MRPS21: variants seen among roughly 807,000 people sequenced by gnomAD.
MRPS21 encodes the protein mitochondrial ribosomal protein S21, also known as small ribosomal subunit protein bS21m.
In MRPS21, 8 loss-of-function variants were observed where a neutral mutation model predicts 9.9. The observed-to-expected ratio is 0.81, with a 90% CI of 0.47 to 1.45. The LOEUF (loss-of-function observed/expected upper bound fraction) is 1.45, where lower values mean the gene tolerates loss of function less well. Among genes scored for constraint, MRPS21 ranks in the 40% most tolerant of loss-of-function variants. The probability of loss-of-function intolerance (pLI) is 0.00; values close to 1 mark genes in which losing one functional copy is unlikely to be tolerated. For synonymous variants in MRPS21, 40 were observed against 40.3 expected, an observed-to-expected ratio of 0.99 and a Z score of 0.03; for missense variants, 101 against 118.9, an observed-to-expected ratio of 0.85 and a Z score of 0.70.
chr1:150,297,514 A>G (rs1229009834), intron 2 of MRPS21, among the ~76,000 whole-genome samples: 1 of 152,068 alleles, frequency 6.6e-6, no homozygotes, highest in East Asian at 1.9e-4. Flanking sequence ...TCTACTAAAA[A>G]TACAAAATTA....
chr1:150,307,348 CTTTTTTT>C (rs1572154026), intron 2 of MRPS21, among the ~76,000 whole-genome samples: 11 of 87,518 alleles, frequency 1.3e-4, no homozygotes, highest in African/African-American at 1.8e-4. Flanking sequence ...GTGCCCAGTC[CTTTTTTT>C]TTTTTTTTTT....
intron 2 of MRPS21, among the ~76,000 whole-genome samples, chr1:150,300,504 G>A (rs1442204847): frequency 6.6e-6 from 1 of 152,020 alleles, no homozygotes; most frequent in Non-Finnish European, 1.5e-5. Context: ...CTTATTTAAT[G>A]TTTGTCAAAC....
At chr1:150,306,330 T>C (rs1053032927) in intron 2 of MRPS21, among the ~76,000 whole-genome samples, 26 of 152,092 alleles carry the variant, frequency 1.7e-4, no homozygotes, top group Non-Finnish European at 3.2e-4. Flanking sequence ...CAGGCTGGAG[T>C]GCAGTGGCAC....
In MRPS21 at chr1:150,308,153, C is replaced by A; in HGVS notation, c.189C>A (p.Ile63=). 2 of 1,609,928 alleles carry A rather than the reference C, an allele frequency of 1.2e-6. No individual in the cohort carries two copies. Among genetic ancestry groups the A allele is most frequent in the East Asian group, 4.5e-5 (2 of 44,706 alleles). ...AAAGCTATGAAAGGTGCCGGCGGAT[C>A]TACAACATGGAAATGGCTCGCAAGA... The part of the protein sequence containing the change: ...QRESYERCRR[I]YNMEMARKIN... The change falls in exon 3 of 3, where the codon ATC becomes ATA. Residue 63 remains isoleucine, a synonymous_variant. Transcript: ENST00000614145.
rs1220257338 is a variant in MRPS21 at position 150,301,346 on chromosome 1, A to AAAAT, written c.84-6700_84-6699insATAA. 33 of 308,064 alleles carry AAAAT rather than the reference A, an allele frequency of 1.1e-4. No homozygotes were observed. In the Admixed American group the frequency reaches 1.2e-3, roughly 11 times the overall value. The allele number at this position is 308,064 out of a possible 1,614,324, so 19.1% of individuals were successfully genotyped here. A position where few individuals can be genotyped will look rare whatever the true frequency, so the allele number is the denominator to read the frequency against. On this transcript the variant is annotated intron_variant, in intron 2 of 2. Transcript: ENST00000614145. ...GCGAGACTTCGTCTCAAAAGAAAAA[A>AAAAT]AATTAGCCGGACATGGTGGCAGGTG...
At chr1:150,296,037 C>T (rs909953448) in intron 2 of MRPS21, among the ~76,000 whole-genome samples, 4 of 151,402 alleles carry the variant, frequency 2.6e-5, no homozygotes, top group African/African-American at 4.9e-5. Flanking sequence ...CTGCAGCCTC[C>T]GCCTCCTGGG....
chr1:150,308,307 C>T lies in MRPS21; in HGVS notation c.*79C>T. 1 of 1,407,408 alleles carries T rather than the reference C, an allele frequency of 7.1e-7. No individual in the cohort carries two copies. Among genetic ancestry groups the T allele is most frequent in the Non-Finnish European group, 9.6e-7 (1 of 1,037,398 alleles). The allele number at this position is 1,407,408 out of a possible 1,614,324, so 87.2% of individuals were successfully genotyped here. ...TCTTTTCTTTGTACAATCCCATTTCCTATTACCATTCTCTGCAATAAACTC... is the reference window on the plus strand; with the variant it reads ...TCTTTTCTTTGTACAATCCCATTTCTTATTACCATTCTCTGCAATAAACTC... On this transcript the variant is annotated 3_prime_UTR_variant, in exon 3 of 3. Coordinates refer to ENST00000614145, the MANE Select transcript of MRPS21 (RefSeq NM_031901.6).
chr1:150,308,258 C>T lies in MRPS21; in HGVS notation c.*30C>T, dbSNP rs782047661. 1 of 1,567,182 alleles carries T rather than the reference C, an allele frequency of 6.4e-7. No individual in the cohort carries two copies. The highest frequency in any genetic ancestry group is 1.1e-5 in the South Asian group (1 of 88,500). On this transcript the variant is annotated 3_prime_UTR_variant, in exon 3 of 3. Coordinates refer to ENST00000614145, the MANE Select transcript of MRPS21 (RefSeq NM_031901.6). ...TGTGGGTGGGACACCCAGTGCGAAACCCTCATCCAGTTTTCTCTCCATCTC... is the reference window on the plus strand; with the variant it reads ...TGTGGGTGGGACACCCAGTGCGAAATCCTCATCCAGTTTTCTCTCCATCTC...
chr1:150,299,131 G>A (rs115492982), intron 2 of MRPS21, among the ~76,000 whole-genome samples: 3,756 of 152,236 alleles, frequency 0.025, 148 homozygotes, highest in African/African-American at 0.085. Flanking sequence ...CAGAAGAGCC[G>A]CTTGAACCTG....
intron 2 of MRPS21, among the ~76,000 whole-genome samples, chr1:150,307,458 A>G (rs1485020440): frequency 6.7e-6 from 1 of 149,508 alleles, no homozygotes; most frequent in African/African-American, 2.5e-5. Context: ...CCCAGGTTCA[A>G]TTGATCCTCC....
At chr1:150,303,221 A>G (rs1654209973) in intron 2 of MRPS21, among the ~76,000 whole-genome samples, 1 of 152,070 alleles carries the variant, frequency 6.6e-6, no homozygotes, top group African/African-American at 2.4e-5. Context: ...CCTAGGTCAT[A>G]TTTACTCAGG....
intron 2 of MRPS21, among the ~76,000 whole-genome samples, chr1:150,302,648 C>T (rs1654187630): frequency 6.6e-6 from 1 of 152,190 alleles, no homozygotes. Context: ...GGCGCCCGAA[C>T]TCCAGGCTGA....
intron 2 of MRPS21, among the ~76,000 whole-genome samples, chr1:150,302,890 T>C (rs1553857903): frequency 6.6e-6 from 1 of 152,170 alleles, no homozygotes; most frequent in East Asian, 1.9e-4. Flanking sequence ...AGGGAGGGAA[T>C]CCTCACCTGG....
Position 150,307,954 on chromosome 1 carries a change from T to A in MRPS21, c.84-94T>A, listed in dbSNP as rs587662578. ...CATTTCCCACTGTATTTTTTATAAA[T>A]ACCAATTGTTTGGTCAATCGACTTC... On this transcript the variant is annotated intron_variant, in intron 2 of 2. Coordinates refer to ENST00000614145, the MANE Select transcript of MRPS21 (RefSeq NM_031901.6). 6 of 1,200,118 alleles carry A rather than the reference T, an allele frequency of 5.0e-6. No homozygotes were observed. The East Asian group carries it at 1.2e-4, about 25-fold the overall frequency. The allele number at this position is 1,200,118 out of a possible 1,614,324, so 74.3% of individuals were successfully genotyped here.
At chr1:150,302,375 T>C (rs1654173192) in intron 2 of MRPS21, among the ~76,000 whole-genome samples, 1 of 152,100 alleles carries the variant, frequency 6.6e-6, no homozygotes. Context: ...TAGGAAGCCC[T>C]GCATGATTGG....
intron 2 of MRPS21, among the ~76,000 whole-genome samples, chr1:150,306,401 G>A (rs915903923): frequency 1.3e-5 from 2 of 151,700 alleles, no homozygotes; most frequent in Non-Finnish European, 2.9e-5. Flanking sequence ...TCAGCCTACT[G>A]AGTACAGGTG....
At chr1:150,294,212 G>T (rs1361928196) in intron 1 of MRPS21, 123 bp from the exon 2 acceptor site, 5 of 628,524 alleles carry the variant, frequency 8.0e-6, no homozygotes, top group South Asian at 1.8e-5. Flanking sequence ...ACTTCCATGT[G>T]CTCCATCTCG....
intron 2 of MRPS21, among the ~76,000 whole-genome samples, chr1:150,298,126 T>A (rs1297744313): frequency 2.0e-5 from 3 of 151,936 alleles, no homozygotes; most frequent in African/African-American, 7.3e-5. Context: ...AGAGATGGGG[T>A]TTCTCCAGGT....
In MRPS21 at chr1:150,293,909, G is replaced by T. The variant is rs1572140066; in HGVS notation, c.-33+11G>T. On this transcript the variant is annotated intron_variant, in intron 1 of 2. Coordinates refer to ENST00000614145, the MANE Select transcript of MRPS21 (RefSeq NM_031901.6). ...TACTGAGCGCGCGAGGTGAGGAGTT[G>T]TGCAGGGTTTGGGGAAAGGAAGGCT... The T allele has an allele frequency of 5.2e-6, 1 of 190,626 alleles. No individual in the cohort carries two copies. Among genetic ancestry groups the T allele is most frequent in the East Asian group, 1.3e-4 (1 of 7,770 alleles). 11.8% of individuals were successfully genotyped at this position (190,626 alleles called of 1,614,324 possible). A position where few individuals can be genotyped will look rare whatever the true frequency, so the allele number is the denominator to read the frequency against.
Sources: gnomAD v4.1 joint callset for allele counts (sites outside exome capture counted in the v4.1 genomes callset) on GRCh38, gnomAD v4.1.1 for gene constraint, MANE v1.5 for transcripts, NCBI Gene and HGNC (gene_info 2026-07-23, HGNC 2026-07-21) for gene names.